The following UVSSA variants were observed in gnomAD, a reference collection of about 807,000 sequenced individuals.
UVSSA encodes the protein UV stimulated scaffold protein A.
A neutral mutation model predicts 73.9 loss-of-function variants in UVSSA; 72 were observed. The observed-to-expected ratio is 0.97, with a 90% CI of 0.81 to 1.19. The LOEUF (loss-of-function observed/expected upper bound fraction) is 1.19, where lower values mean the gene tolerates loss of function less well. UVSSA is among the 50% of genes most tolerant of loss of function. The pLI, the probability that UVSSA is intolerant of heterozygous loss-of-function variation, is 0.00. For missense variants in UVSSA, 1,150 were observed against 965.0 expected (o/e 1.19, Z -2.54); for synonymous variants, 454 against 391.3 (o/e 1.16, Z -1.89).
exon 14 of UVSSA, chr4:1,394,487 C>T: frequency 6.2e-7 from 1 of 1,612,930 alleles, no homozygotes; most frequent in South Asian, 1.1e-5. Flanking sequence ...TTTCAAATAG[C>T]TGTCCAGGTG....
intron 8 of UVSSA, chr4:1,375,054 C>A: frequency 2.8e-6 from 1 of 355,788 alleles, no homozygotes; most frequent in Non-Finnish European, 5.2e-6. Flanking sequence ...CAGCTTCTTT[C>A]CAGCCTGGCG....
At chr4:1,369,965 G>A (rs566599724) in intron 8 of UVSSA, among the ~76,000 whole-genome samples, 2 of 151,762 alleles carry the variant, frequency 1.3e-5, no homozygotes, top group East Asian at 2.0e-4. Context: ...TCCTGAAAAT[G>A]CCCTCAGTGC....
At chr4:1,385,266 CCACAGGGGCCGCAGCTGAGCGGCAGCTT>C (rs1719979569) in intron 13 of UVSSA, 1 of 154,688 alleles carries the variant, frequency 6.5e-6, no homozygotes, top group Non-Finnish European at 1.4e-5. Flanking sequence ...CCTGGCAGCC[CCACAGGGGCCGCAGCTGAGCGGCAGCTT>C]CACCACATTG....
At chr4:1,379,990 G>T in intron 10 of UVSSA, 57 bp from the exon 11 acceptor site, 2 of 1,530,306 alleles carry the variant, frequency 1.3e-6, no homozygotes, top group South Asian at 2.5e-5. Context: ...CACCACCGTG[G>T]CCACGCTCTT....
At chr4:1,354,338 G>T (rs1026976817) in intron 5 of UVSSA, among the ~76,000 whole-genome samples, 3 of 152,146 alleles carry the variant, frequency 2.0e-5, no homozygotes, top group Non-Finnish European at 4.4e-5. Flanking sequence ...GAGAGGCCGG[G>T]GGGGTGGGGG....
At chr4:1,378,725 G>C (rs968348218) in intron 10 of UVSSA, among the ~76,000 whole-genome samples, 1 of 152,210 alleles carries the variant, frequency 6.6e-6, no homozygotes, top group African/African-American at 2.4e-5. Context: ...AGAATGCATC[G>C]CTGCTTCTCC....
In UVSSA at chr4:1,379,224, C is replaced by T. The variant is rs192092721; in HGVS notation, c.1569-823C>T. Among the ~76,000 whole-genome samples the T allele has an allele frequency of 1.1e-3, 170 of 152,348 alleles. 1 individual carries two copies. The highest frequency in any genetic ancestry group is 3.9e-3 in the African/African-American group (164 of 41,582). On this transcript the variant is annotated intron_variant, in intron 10 of 13. Coordinates refer to ENST00000389851, the MANE Select transcript of UVSSA (RefSeq NM_020894.4). ...GCCCTTGGCACTGCCCATCTGTCCT[C>T]CCCAGCTCCTGCTGGCCCCAACTGT...
At position 1,395,350 on chromosome 4, in the gene UVSSA, C is replaced by T. The variant is rs367725232; in HGVS notation, c.*9389C>T. 240 of 1,547,100 alleles carry T rather than the reference C, an allele frequency of 1.6e-4. 3 individuals are homozygous for T. Among genetic ancestry groups the T allele is most frequent in the Non-Finnish European group, 2.1e-4 (240 of 1,148,492 alleles). ...CTCACGTGCCGATGTGGGGTGCCCG[C>T]CTGCTCACATGTGCCGATGTGGAGT... On this transcript the variant is annotated 3_prime_UTR_variant, in exon 14 of 14. Transcript: ENST00000511216.
chr4:1,380,519 C>T (rs1719351537), intron 11 of UVSSA: 1 of 942,414 alleles, frequency 1.1e-6, no homozygotes, highest in Non-Finnish European at 1.5e-6. Context: ...CAGCCCGGGT[C>T]TGTGCTGGGC....
In UVSSA at chr4:1,395,819, C is replaced by T. The variant is rs769822302; in HGVS notation, c.*9858C>T. The T allele has an allele frequency of 4.3e-6, 7 of 1,613,994 alleles. No homozygotes were observed. In the South Asian group the frequency reaches 7.7e-5, roughly 18 times the overall value. On this transcript the variant is annotated 3_prime_UTR_variant, in exon 14 of 14. Coordinates refer to the UVSSA transcript ENST00000511216. ...TAATACGTTTTTATGTCAAGGATCCCTTTTATATTTCTCTGCACCTCGAGA... is the reference window on the plus strand; with the variant it reads ...TAATACGTTTTTATGTCAAGGATCCTTTTTATATTTCTCTGCACCTCGAGA...
intron 8 of UVSSA, among the ~76,000 whole-genome samples, chr4:1,374,099 C>T (rs1235235310): frequency 2.0e-5 from 3 of 152,216 alleles, no homozygotes; most frequent in African/African-American, 2.4e-5. Flanking sequence ...GGGGCCAGGA[C>T]GCCTTGCTCG....
exon 14 of UVSSA, chr4:1,395,752 A>G (rs1207251015): frequency 1.2e-6 from 2 of 1,614,208 alleles, no homozygotes; most frequent in African/African-American, 1.3e-5. Flanking sequence ...CTGCCGGCCG[A>G]GTCAGACGCT....
At chr4:1,364,708 G>T (rs1717084523) in intron 7 of UVSSA, among the ~76,000 whole-genome samples, 1 of 152,214 alleles carries the variant, frequency 6.6e-6, no homozygotes, top group African/African-American at 2.4e-5. Context: ...AGGAATGCAG[G>T]CGCCTCCATC....
chr4:1,367,225 C>T (rs7659916), intron 8 of UVSSA, among the ~76,000 whole-genome samples: 27,890 of 152,132 alleles, frequency 0.18, 3,388 homozygotes, highest in African/African-American at 0.35. Flanking sequence ...CCCAAAACTG[C>T]GTTCCAGTGA....
At chr4:1,393,591 TAG>T (rs1720455816) in exon 14 of UVSSA, 1 of 151,500 alleles carries the variant, frequency 6.6e-6, no homozygotes, top group African/African-American at 2.4e-5. Context: ...GATAGATAGA[TAG>T]ATAGATAGAT....
chr4:1,372,829 CCGCGTCTCAGGGCACTCA>C (rs1718279912), intron 8 of UVSSA, among the ~76,000 whole-genome samples: 1 of 40,674 alleles, frequency 2.5e-5, no homozygotes, highest in Admixed American at 3.1e-4. Flanking sequence ...CACTCACCTC[CCGCGTCTCAGGGCACTCA>C]CCTCCCGCGT....
At chr4:1,357,819 C>A (rs559352647) in intron 7 of UVSSA, 1 of 152,486 alleles carries the variant, frequency 6.6e-6, no homozygotes, top group South Asian at 2.1e-4. Context: ...CTAGCCCCTC[C>A]TGCCTCAGGG....
intron 5 of UVSSA, chr4:1,354,499 C>T (rs1252966527): frequency 2.0e-5 from 11 of 544,402 alleles, no homozygotes; most frequent in Non-Finnish European, 3.7e-5. Flanking sequence ...GACTGAGACA[C>T]AGGCAGTGGA....
At position 1,386,119 on chromosome 4, in the gene UVSSA, C is replaced by G; in HGVS notation, c.*158C>G. The G allele has an allele frequency of 2.6e-6, 2 of 776,258 alleles. 1 individual carries two copies. Among genetic ancestry groups the G allele is most frequent in the South Asian group, 3.4e-5 (2 of 59,126 alleles). 48.1% of individuals were successfully genotyped at this position (776,258 alleles called of 1,614,324 possible). On this transcript the variant is annotated 3_prime_UTR_variant, in exon 14 of 14. Coordinates refer to ENST00000389851, the MANE Select transcript of UVSSA (RefSeq NM_020894.4). ...TTGCAATGCCCTGAAGGTACGGCCG[C>G]TCTGCTGCTACAGGGTTCGGCATCG...
Sources: allele counts gnomAD v4.1 joint callset (sites outside exome capture counted in the v4.1 genomes callset), GRCh38; gene constraint gnomAD v4.1.1; transcripts MANE v1.5; gene names NCBI Gene and HGNC (gene_info 2026-07-23, HGNC 2026-07-21).